NAALADL2: variants seen among roughly 807,000 people sequenced by gnomAD.
NAALADL2 encodes inactive N-acetylated-alpha-linked acidic dipeptidase-like protein 2.
NAALADL2 carries 76 observed loss-of-function variants against 87.2 expected under a neutral mutation model. That is an observed-to-expected ratio of 0.87 (90% confidence interval 0.72 to 1.05). NAALADL2 has a LOEUF of 1.05. NAALADL2 is among the 50% of genes least tolerant of loss of function. The probability of loss-of-function intolerance (pLI) is 0.00; values close to 1 mark genes in which losing one functional copy is unlikely to be tolerated. For missense variants in NAALADL2, 1,089 were observed against 945.8 expected (o/e 1.15, Z -1.99); for synonymous variants, 354 against 331.0 (o/e 1.07, Z -0.75).
At chr3:175,494,578 G>A (rs1183435492) in intron 9 of NAALADL2, among the ~76,000 whole-genome samples, 2 of 152,014 alleles carry the variant, frequency 1.3e-5, no homozygotes, top group Non-Finnish European at 2.9e-5. Context: ...TCAGAGTATA[G>A]CATAAGTTCA....
intron 2 of NAALADL2, among the ~76,000 whole-genome samples, chr3:174,577,659 A>G (rs1715680160): frequency 6.6e-6 from 1 of 152,120 alleles, no homozygotes; most frequent in Middle Eastern, 3.2e-3. Context: ...TAGAATGCAA[A>G]TCAACCTCTT....
At chr3:175,498,961 A>G (rs1418802452) in intron 9 of NAALADL2, among the ~76,000 whole-genome samples, 1 of 152,012 alleles carries the variant, frequency 6.6e-6, no homozygotes, top group Non-Finnish European at 1.5e-5. Flanking sequence ...TAAAACCTTT[A>G]TTTTCAGTTA....
chr3:175,070,392 C>A (rs927655540), intron 1 of NAALADL2, among the ~76,000 whole-genome samples: 7 of 151,902 alleles, frequency 4.6e-5, no homozygotes, highest in East Asian at 1.9e-4. Flanking sequence ...TAATGAGAAT[C>A]TCCTAGATGA....
chr3:174,752,300 T>A (rs1023085984), intron 3 of NAALADL2, among the ~76,000 whole-genome samples: 4 of 152,140 alleles, frequency 2.6e-5, no homozygotes, highest in African/African-American at 7.2e-5. Flanking sequence ...TTTTAAAAAA[T>A]TTTCCAGTGA....
intron 4 of NAALADL2, among the ~76,000 whole-genome samples, chr3:175,304,354 CTG>C (rs1243911406): frequency 6.6e-6 from 1 of 152,124 alleles, no homozygotes; most frequent in African/African-American, 2.4e-5. Flanking sequence ...TATCTTCTCT[CTG>C]GAGAAGTTAC....
At chr3:175,519,217 G>C (rs1026721232) in intron 9 of NAALADL2, among the ~76,000 whole-genome samples, 3 of 152,176 alleles carry the variant, frequency 2.0e-5, no homozygotes, top group African/African-American at 7.2e-5. Context: ...AAGGCAGAGG[G>C]AAAATTAGAA....
chr3:175,635,464 T>C (rs1728387275), intron 11 of NAALADL2, among the ~76,000 whole-genome samples: 1 of 152,174 alleles, frequency 6.6e-6, no homozygotes, highest in African/African-American at 2.4e-5. Context: ...ATGTATTTGT[T>C]ACAGAATCTA....
chr3:175,261,573 T>G (rs189934951), intron 4 of NAALADL2, among the ~76,000 whole-genome samples: 1 of 151,788 alleles, frequency 6.6e-6, no homozygotes, highest in Non-Finnish European at 1.5e-5. Flanking sequence ...ACTCTATTGC[T>G]TTTTTTTATA....
At chr3:174,687,333 A>G (rs960343626) in intron 2 of NAALADL2, among the ~76,000 whole-genome samples, 2 of 151,984 alleles carry the variant, frequency 1.3e-5, no homozygotes, top group African/African-American at 2.4e-5. Flanking sequence ...GTGACTCACA[A>G]CCCTACCCAA....
chr3:174,826,587 A>G (rs918289356), intron 3 of NAALADL2, among the ~76,000 whole-genome samples: 1 of 152,328 alleles, frequency 6.6e-6, no homozygotes, highest in Admixed American at 6.5e-5. Context: ...AAATACTTGG[A>G]TTTGAATGCC....
chr3:174,669,522 G>A (rs1007340085), intron 2 of NAALADL2, among the ~76,000 whole-genome samples: 3 of 151,992 alleles, frequency 2.0e-5, no homozygotes, highest in Non-Finnish European at 4.4e-5. Context: ...ATGTGGTCTT[G>A]GTACTCTTGT....
At chr3:175,248,437 A>G (rs1178435125) in intron 3 of NAALADL2, among the ~76,000 whole-genome samples, 1 of 152,176 alleles carries the variant, frequency 6.6e-6, no homozygotes, top group Non-Finnish European at 1.5e-5. Flanking sequence ...AAGTTTATGT[A>G]TCGATTTATT....
intron 3 of NAALADL2, among the ~76,000 whole-genome samples, chr3:174,785,524 A>G (rs1716534449): frequency 6.6e-6 from 1 of 152,026 alleles, no homozygotes; most frequent in African/African-American, 2.4e-5. Flanking sequence ...TACCATTACC[A>G]TGCTGTTTTG....
intron 1 of NAALADL2, among the ~76,000 whole-genome samples, chr3:174,959,800 AG>A (rs1395561932): frequency 6.6e-6 from 1 of 152,070 alleles, no homozygotes; most frequent in African/African-American, 2.4e-5. Flanking sequence ...CTCATCTTCT[AG>A]TTAGATTATG....
intron 1 of NAALADL2, among the ~76,000 whole-genome samples, chr3:174,480,753 A>G (rs73172527): frequency 0.057 from 8,664 of 152,146 alleles, 368 homozygotes; most frequent in Non-Finnish European, 0.086. Context: ...CAGAATTTTT[A>G]TAGTGGGGCT....
At chr3:174,829,090 G>GTTT (rs201968760) in intron 3 of NAALADL2, among the ~76,000 whole-genome samples, 3 of 146,312 alleles carry the variant, frequency 2.1e-5, no homozygotes, top group African/African-American at 5.0e-5. Flanking sequence ...TATTACATCT[G>GTTT]TTTTTTTTTG....
chr3:175,739,099 A>C lies in NAALADL2; in HGVS notation c.1990+1700A>C, dbSNP rs573607144. Among the ~76,000 whole-genome samples the C allele has an allele frequency of 1.5e-3, 227 of 152,326 alleles. 1 individual carries two copies. Among genetic ancestry groups the C allele is most frequent in the African/African-American group, 5.2e-3 (217 of 41,574 alleles). ...TGTTCATCTAAAAGCAATAACTATCATGCATGAAAAGAAGCCCCAAAGAGT... is the reference window on the plus strand; with the variant it reads ...TGTTCATCTAAAAGCAATAACTATCCTGCATGAAAAGAAGCCCCAAAGAGT... On this transcript the variant is annotated intron_variant, in intron 12 of 13. Transcript: ENST00000454872.
intron 5 of NAALADL2, among the ~76,000 whole-genome samples, chr3:175,356,068 C>T (rs1000065759): frequency 2.6e-5 from 4 of 152,056 alleles, no homozygotes; most frequent in Non-Finnish European, 5.9e-5. Flanking sequence ...GATTTAAGAT[C>T]ACTTTGAAAG....
intron 1 of NAALADL2, among the ~76,000 whole-genome samples, chr3:174,958,912 T>A (rs966516278): frequency 1.3e-5 from 2 of 152,082 alleles, no homozygotes; most frequent in African/African-American, 4.8e-5. Flanking sequence ...TATAAGCACT[T>A]AGCAGTGCAA....
Sources: gnomAD v4.1 joint callset for allele counts (sites outside exome capture counted in the v4.1 genomes callset) on GRCh38, gnomAD v4.1.1 for gene constraint, MANE v1.5 for transcripts, NCBI Gene and HGNC (gene_info 2026-07-23, HGNC 2026-07-21) for gene names.